The following BACH2 variants were observed in gnomAD, a reference collection of about 807,000 sequenced individuals.
The protein encoded by BACH2 is transcription regulator protein BACH2.
Under a neutral mutation model 61.8 loss-of-function variants are expected in BACH2, and 5 were observed. The ratio of observed to expected loss-of-function variants is 0.08; its 90% CI spans 0.04 to 0.17. The LOEUF (loss-of-function observed/expected upper bound fraction) is 0.17. BACH2 is among the 10% of genes least tolerant of loss of function. BACH2 has a pLI of 1.00. For synonymous variants in BACH2, 446 were observed against 440.1 expected (o/e 1.01, Z -0.17); for missense variants, 824 against 1,091.1 (o/e 0.76, Z 3.45).
chr6:89,985,912 A>C (rs2128364141), intron 6 of BACH2, among the ~76,000 whole-genome samples: 1 of 152,336 alleles, frequency 6.6e-6, no homozygotes, highest in Non-Finnish European at 1.5e-5. Flanking sequence ...CTGATGCTGG[A>C]AAGAAGCTTG....
rs547250188 is a variant in BACH2 at position 89,945,337 on chromosome 6, A to T, written c.1836+4933T>A. Reference sequence around the variant, plus strand: ...AAATGGATCAACATTATGGAATATTACTCAGGAATTAAAAGCAACAAAGTA... The same window carrying T: ...AAATGGATCAACATTATGGAATATTTCTCAGGAATTAAAAGCAACAAAGTA... On this transcript the variant is annotated intron_variant, in intron 7 of 8. Transcript: ENST00000257749. Among the ~76,000 whole-genome samples, 72 of 152,336 alleles carry T rather than the reference A, an allele frequency of 4.7e-4. 1 individual carries two copies. The South Asian group carries it at 0.015, about 31-fold the overall frequency.
At chr6:90,210,268 G>GA in intron 3 of BACH2, among the ~76,000 whole-genome samples, 1 of 151,452 alleles carries the variant, frequency 6.6e-6, no homozygotes, top group Non-Finnish European at 1.5e-5. Flanking sequence ...TAAAGCATGT[G>GA]AAAGACCAGA....
chr6:90,180,512 T>C (rs1441947005), intron 4 of BACH2, among the ~76,000 whole-genome samples: 1 of 152,162 alleles, frequency 6.6e-6, no homozygotes, highest in Non-Finnish European at 1.5e-5. Flanking sequence ...AGGTAGCTTT[T>C]CATGCCTCAA....
intron 5 of BACH2, among the ~76,000 whole-genome samples, chr6:90,033,654 A>G (rs1370015874): frequency 5.3e-5 from 8 of 152,134 alleles, no homozygotes; most frequent in Non-Finnish European, 8.8e-5. Context: ...TAAATTCCCT[A>G]TTACAATGCT....
chr6:90,193,313 C>G (rs565669911), intron 4 of BACH2, among the ~76,000 whole-genome samples: 1 of 151,902 alleles, frequency 6.6e-6, no homozygotes, highest in South Asian at 2.1e-4. Context: ...AGAGTGTGCC[C>G]CTAATCCAAT....
intron 4 of BACH2, among the ~76,000 whole-genome samples, chr6:90,145,707 T>C (rs985769637): frequency 4.6e-5 from 7 of 152,220 alleles, no homozygotes; most frequent in Non-Finnish European, 7.3e-5. Context: ...ATTCATATTA[T>C]AATATGTGAA....
At chr6:90,243,009 C>T (rs1271183112) in intron 3 of BACH2, among the ~76,000 whole-genome samples, 1 of 147,392 alleles carries the variant, frequency 6.8e-6, no homozygotes, top group Non-Finnish European at 1.5e-5. Flanking sequence ...CCTCCCGAGT[C>T]GCTTGGATTA....
chr6:90,295,546 G>A (rs1466819074), intron 1 of BACH2, among the ~76,000 whole-genome samples: 1 of 152,284 alleles, frequency 6.6e-6, no homozygotes, highest in East Asian at 1.9e-4. Context: ...GGTGAGCGAA[G>A]CACAGCGGGG....
At chr6:89,996,090 T>C (rs932550662) in intron 6 of BACH2, among the ~76,000 whole-genome samples, 3 of 152,218 alleles carry the variant, frequency 2.0e-5, no homozygotes, top group African/African-American at 7.2e-5. Flanking sequence ...CCTATGCTGG[T>C]GTTCCTCCTA....
At chr6:90,259,832 G>A (rs934247783) in intron 2 of BACH2, among the ~76,000 whole-genome samples, 19 of 151,700 alleles carry the variant, frequency 1.3e-4, no homozygotes, top group Non-Finnish European at 5.9e-5. Flanking sequence ...GTTTCCTCTA[G>A]GCCACCCAAT....
chr6:90,164,864 C>T (rs567109995), intron 4 of BACH2, among the ~76,000 whole-genome samples: 370 of 152,162 alleles, frequency 2.4e-3, no homozygotes, highest in South Asian at 9.8e-3. Flanking sequence ...AATTCAACAA[C>T]GCTTCATGCT....
chr6:90,281,203 C>T (rs1317707366), intron 1 of BACH2, among the ~76,000 whole-genome samples: 1 of 152,192 alleles, frequency 6.6e-6, no homozygotes, highest in Non-Finnish European at 1.5e-5. Context: ...TCACACTGCA[C>T]TGGTGGCTCA....
At chr6:90,096,159 C>T (rs773493932) in intron 4 of BACH2, among the ~76,000 whole-genome samples, 46 of 152,206 alleles carry the variant, frequency 3.0e-4, no homozygotes, top group Admixed American at 1.3e-4. Flanking sequence ...AGTTTTAGTG[C>T]TAAAATGGTT....
chr6:90,296,095 G>T (rs540049784), intron 1 of BACH2, among the ~76,000 whole-genome samples: 3 of 152,080 alleles, frequency 2.0e-5, no homozygotes, highest in South Asian at 2.1e-4. Context: ...AGCTGCTGCG[G>T]CTCGCGCGGA....
intron 4 of BACH2, among the ~76,000 whole-genome samples, chr6:90,174,308 T>C (rs865895598): frequency 6.6e-6 from 1 of 151,966 alleles, no homozygotes; most frequent in Non-Finnish European, 1.5e-5. Context: ...AGAAAATATA[T>C]GATTATCTCA....
chr6:90,212,192 A>G (rs1166682281), intron 3 of BACH2, among the ~76,000 whole-genome samples: 1 of 151,456 alleles, frequency 6.6e-6, no homozygotes, highest in African/African-American at 2.4e-5. Flanking sequence ...GAGACTTTCA[A>G]CTGAAAAAAT....
intron 6 of BACH2, among the ~76,000 whole-genome samples, chr6:89,956,293 G>T (rs1055232850): frequency 6.6e-6 from 1 of 152,144 alleles, no homozygotes; most frequent in African/African-American, 2.4e-5. Flanking sequence ...TGTGCCATGT[G>T]GGGGCGAGAC....
rs79622807 is a variant in BACH2 at position 89,969,571 on chromosome 6, T to C, written c.244-17709A>G. Among the ~76,000 whole-genome samples, 147 of 152,252 alleles carry C rather than the reference T, an allele frequency of 9.7e-4. 1 individual carries two copies. The highest frequency in any genetic ancestry group is 7.9e-3 in the East Asian group (41 of 5,176). ...AGCGCAGCACCAACAGGAGTCAGCC[T>C]TTGTCCTTCAAATATTGTGACCCTG... On this transcript the variant is annotated intron_variant, in intron 6 of 8. Coordinates refer to ENST00000257749, the MANE Select transcript of BACH2 (RefSeq NM_021813.4).
intron 4 of BACH2, among the ~76,000 whole-genome samples, chr6:90,181,638 C>G (rs1049713741): frequency 1.3e-5 from 2 of 152,028 alleles, no homozygotes; most frequent in African/African-American, 4.8e-5. Context: ...TACAATTGCA[C>G]TGGCACAATC....
Sources: gnomAD v4.1 joint callset for allele counts (sites outside exome capture counted in the v4.1 genomes callset) on GRCh38, gnomAD v4.1.1 for gene constraint, MANE v1.5 for transcripts, NCBI Gene and HGNC (gene_info 2026-07-23, HGNC 2026-07-21) for gene names.